The following FAM171A1 variants were observed in gnomAD, a reference collection of about 807,000 sequenced individuals.
FAM171A1 encodes the protein protein FAM171A1.
Under a neutral mutation model 74.9 loss-of-function variants are expected in FAM171A1, and 23 were observed. The ratio of observed to expected loss-of-function variants is 0.31; its 90% CI spans 0.22 to 0.44. The LOEUF is 0.44. Ranked by LOEUF, FAM171A1 falls within the 20% of genes least tolerant of loss-of-function variation. FAM171A1 has a pLI of 1.00. For missense variants in FAM171A1, 1,162 were observed against 1,159.2 expected, an observed-to-expected ratio of 1.00 and a Z score of -0.03; for synonymous variants, 527 against 505.7, an observed-to-expected ratio of 1.04 and a Z score of -0.57.
Position 15,243,595 on chromosome 10 carries a change from T to C in FAM171A1, c.754+5044A>G, listed in dbSNP as rs534920123. Among the ~76,000 whole-genome samples the C allele has an allele frequency of 7.2e-5, 11 of 152,182 alleles. No homozygotes were observed. The East Asian group carries it at 1.5e-3, about 21-fold the overall frequency. On this transcript the variant is annotated intron_variant, in intron 5 of 7. Transcript: ENST00000378116. ...TTCCTTATATTAGGAGCCCCAGCCT[T>C]ATTCCTCCATATTCAAATATACTCA...
intron 5 of FAM171A1, among the ~76,000 whole-genome samples, chr10:15,222,528 T>C (rs765514018): frequency 2.7e-4 from 41 of 152,228 alleles, no homozygotes; most frequent in Admixed American, 5.2e-4. Flanking sequence ...TATGGGATCA[T>C]CATTGTACAT....
intron 2 of FAM171A1, among the ~76,000 whole-genome samples, chr10:15,280,650 T>C (rs192410153): frequency 2.6e-4 from 39 of 152,316 alleles, no homozygotes; most frequent in African/African-American, 8.7e-4. Flanking sequence ...AATCCGTTTC[T>C]GGGTTTCGTA....
intron 1 of FAM171A1, among the ~76,000 whole-genome samples, chr10:15,332,682 C>A (rs2131861128): frequency 6.6e-6 from 1 of 152,282 alleles, no homozygotes; most frequent in East Asian, 1.9e-4. Context: ...ACTCATTGCA[C>A]TGACTACAGT....
intron 3 of FAM171A1, among the ~76,000 whole-genome samples, chr10:15,266,447 T>A (rs1322827386): frequency 6.6e-6 from 1 of 152,086 alleles, no homozygotes; most frequent in Non-Finnish European, 1.5e-5. Flanking sequence ...TCCAACCATG[T>A]GGCATCCAGG....
chr10:15,256,846 C>T (rs117164512), intron 3 of FAM171A1, among the ~76,000 whole-genome samples: 2,896 of 152,272 alleles, frequency 0.019, 40 homozygotes, highest in Middle Eastern at 0.037. Flanking sequence ...ACACACATGG[C>T]GCACAGCTTG....
chr10:15,288,813 CTTTTTT>C (rs71505064), intron 1 of FAM171A1, among the ~76,000 whole-genome samples: 12 of 73,686 alleles, frequency 1.6e-4, no homozygotes, highest in South Asian at 6.1e-4. Flanking sequence ...TTCGGTAATT[CTTTTTT>C]TTTTTTTTTT....
chr10:15,291,263 G>A (rs1225515463), intron 1 of FAM171A1, among the ~76,000 whole-genome samples: 3 of 152,182 alleles, frequency 2.0e-5, no homozygotes, highest in African/African-American at 7.2e-5. Context: ...AGAGCCAGCA[G>A]GTGGTCAATA....
At chr10:15,337,754 G>A (rs1241129669) in intron 1 of FAM171A1, among the ~76,000 whole-genome samples, 1 of 152,166 alleles carries the variant, frequency 6.6e-6, no homozygotes, top group East Asian at 1.9e-4. Flanking sequence ...TTTGAGAACA[G>A]CCTGGCCAAC....
chr10:15,220,102 T>C (rs1480401973), intron 6 of FAM171A1, among the ~76,000 whole-genome samples: 2 of 152,242 alleles, frequency 1.3e-5, no homozygotes, highest in African/African-American at 2.4e-5. Flanking sequence ...AGAGACACCT[T>C]TTAATCACAG....
At chr10:15,223,622 G>C (rs1285621990) in intron 5 of FAM171A1, among the ~76,000 whole-genome samples, 1 of 152,182 alleles carries the variant, frequency 6.6e-6, no homozygotes, top group Admixed American at 6.5e-5. Flanking sequence ...ACATTGGCTG[G>C]GGGTGGTGGC....
intron 1 of FAM171A1, among the ~76,000 whole-genome samples, chr10:15,331,880 C>CATAT (rs71390031): frequency 5.2e-4 from 31 of 59,678 alleles, no homozygotes; most frequent in African/African-American, 1.8e-3. Flanking sequence ...TGTGTGTATA[C>CATAT]ATATATATAT....
In FAM171A1 at chr10:15,212,773, C is replaced by T. The variant is rs1176447161; in HGVS notation, c.*142G>A. ...CTTTAATTCCTTTCTAACATTTACACGGCAAACAGGAATGCAGTAAACGTC... is the reference window on the plus strand; with the variant it reads ...CTTTAATTCCTTTCTAACATTTACATGGCAAACAGGAATGCAGTAAACGTC... On this transcript the variant is annotated 3_prime_UTR_variant, in exon 8 of 8. Coordinates refer to ENST00000378116, the MANE Select transcript of FAM171A1 (RefSeq NM_001010924.2). 2.3e-5 allele frequency: 25 copies of T among 1,091,396 alleles called. No individual in the cohort carries two copies. The highest frequency in any genetic ancestry group is 4.7e-5 in the East Asian group (2 of 42,140). The allele number at this position is 1,091,396 out of a possible 1,614,324, so 67.6% of individuals were successfully genotyped here. A position where few individuals can be genotyped will look rare whatever the true frequency, so the allele number is the denominator to read the frequency against.
At chr10:15,232,254 G>C (rs1017763144) in intron 5 of FAM171A1, among the ~76,000 whole-genome samples, 5 of 152,138 alleles carry the variant, frequency 3.3e-5, no homozygotes, top group Non-Finnish European at 7.4e-5. Context: ...GCCCACGTTA[G>C]GATTCTGGGT....
chr10:15,248,871 T>C (rs2131758418), intron 4 of FAM171A1, 56 bp from the exon 5 acceptor site: 1 of 1,504,306 alleles, frequency 6.6e-7, no homozygotes, highest in Non-Finnish European at 8.9e-7. Context: ...TGTGGGGCTG[T>C]GGAAACCTTT....
chr10:15,308,157 T>C (rs922423991), intron 1 of FAM171A1, among the ~76,000 whole-genome samples: 2 of 152,180 alleles, frequency 1.3e-5, no homozygotes, highest in African/African-American at 4.8e-5. Context: ...ACTCTCATGC[T>C]GTCCACACTA....
chr10:15,257,969 T>TCC (rs1834602387), intron 3 of FAM171A1, among the ~76,000 whole-genome samples: 1 of 152,162 alleles, frequency 6.6e-6, no homozygotes, highest in Admixed American at 6.5e-5. Flanking sequence ...CCTGTAGGGC[T>TCC]CCATCCCCAT....
intron 5 of FAM171A1, among the ~76,000 whole-genome samples, chr10:15,222,805 G>A (rs764107067): frequency 2.0e-5 from 3 of 152,238 alleles, no homozygotes; most frequent in Admixed American, 6.5e-5. Context: ...CAGTGGGCAC[G>A]TGGGACAAGT....
intron 1 of FAM171A1, among the ~76,000 whole-genome samples, chr10:15,369,936 A>C (rs1200503372): frequency 6.6e-6 from 1 of 152,206 alleles, no homozygotes; most frequent in African/African-American, 2.4e-5. Flanking sequence ...AGCCCCCGGC[A>C]AGAGTCCAGG....
intron 1 of FAM171A1, among the ~76,000 whole-genome samples, chr10:15,316,064 A>G (rs12218679): frequency 0.67 from 101,620 of 152,076 alleles, 34,651 homozygotes; most frequent in East Asian, 0.86. Context: ...ACTTTAGCAC[A>G]TAATTATTTT....
Sources: allele counts gnomAD v4.1 joint callset (sites outside exome capture counted in the v4.1 genomes callset), GRCh38; gene constraint gnomAD v4.1.1; transcripts MANE v1.5; gene names NCBI Gene and HGNC (gene_info 2026-07-23, HGNC 2026-07-21).